Variants in HMCN1 observed in about 807,000 individuals in gnomAD.
The protein encoded by HMCN1 is hemicentin 1, also known as hemicentin-1.
HMCN1 carries 321 observed loss-of-function variants against 625.9 expected under a neutral mutation model. The ratio of observed to expected loss-of-function variants is 0.51; its 90% CI spans 0.47 to 0.56. The LOEUF is 0.56. HMCN1 is among the 20% of genes least tolerant of loss of function. The probability of loss-of-function intolerance (pLI) is 0.00; values close to 1 mark genes in which losing one functional copy is unlikely to be tolerated. For missense variants in HMCN1, 6,588 were observed against 6,887.3 expected (o/e 0.96, Z 1.54); for synonymous variants, 2,425 against 2,417.6 (o/e 1.00, Z -0.09).
chr1:185,843,891 T>C (rs1439195398), intron 1 of HMCN1, among the ~76,000 whole-genome samples: 1 of 152,208 alleles, frequency 6.6e-6, no homozygotes, highest in Admixed American at 6.5e-5. Context: ...TTATCGGTCC[T>C]CTTATTTTAA....
chr1:186,035,946 G>A (rs1055214913), intron 36 of HMCN1, among the ~76,000 whole-genome samples: 2 of 152,066 alleles, frequency 1.3e-5, no homozygotes, highest in Non-Finnish European at 2.9e-5. Flanking sequence ...GCCAATTTCT[G>A]AGGAGGACAT....
intron 4 of HMCN1, among the ~76,000 whole-genome samples, chr1:185,877,330 T>C (rs1664013476): frequency 7.3e-6 from 1 of 137,596 alleles, no homozygotes; most frequent in African/African-American, 2.8e-5. Flanking sequence ...TCTTTTTTTT[T>C]TTTTTTTTTT....
rs1660808673 is a variant in HMCN1, at chr1:186,110,161, C to A, written c.10989+1564C>A. Among the ~76,000 whole-genome samples, 4 of 151,924 alleles carry A rather than the reference C, an allele frequency of 2.6e-5. No individual in the cohort carries two copies. The South Asian group carries it at 8.3e-4, about 32-fold the overall frequency. ...TTGGCCCGTATTTCATCAAAAAAGG[C>A]TTTGGTTTCATGGTCCATATTTACT... On this transcript the variant is annotated intron_variant, in intron 71 of 106. Transcript: ENST00000271588.
At chr1:185,816,719 A>T (rs1387401942) in intron 1 of HMCN1, among the ~76,000 whole-genome samples, 1 of 152,128 alleles carries the variant, frequency 6.6e-6, no homozygotes, top group South Asian at 2.1e-4. Flanking sequence ...TTGTTTTAGG[A>T]TTTTATGGAT....
At chr1:186,126,294 AC>A (rs1202109120) in intron 82 of HMCN1, among the ~76,000 whole-genome samples, 2 of 152,168 alleles carry the variant, frequency 1.3e-5, no homozygotes, top group African/African-American at 4.8e-5. Flanking sequence ...CAAATATTCA[AC>A]AAATATTTAT....
At chr1:185,943,136 G>T (rs1668166932) in intron 11 of HMCN1, among the ~76,000 whole-genome samples, 1 of 152,136 alleles carries the variant, frequency 6.6e-6, no homozygotes, top group Admixed American at 6.5e-5. Flanking sequence ...CCATGGAGTT[G>T]GGTTGTGCTA....
intron 102 of HMCN1, 76 bp downstream of exon 102, chr1:186,172,207 A>G: frequency 1.9e-6 from 3 of 1,564,656 alleles, no homozygotes; most frequent in South Asian, 2.2e-5. Context: ...TTTTAAAAGA[A>G]GTGATTAGAG....
Position 186,107,033 on chromosome 1 carries a change from C to T in HMCN1, c.10852+68C>T, listed in dbSNP as rs1660640927. 1.6e-5 allele frequency: 14 copies of T among 878,674 alleles called. No individual in the cohort carries two copies. The Admixed American group carries it at 1.7e-4, about 11-fold the overall frequency. 54.4% of individuals were successfully genotyped at this position (878,674 alleles called of 1,614,324 possible). A position where few individuals can be genotyped will look rare whatever the true frequency, so the allele number is the denominator to read the frequency against. On this transcript the variant is annotated intron_variant, in intron 70 of 106. Transcript: ENST00000271588. ...TAATTAGAAAACCCTGGGACAACAC[C>T]ACAGCACATCACAGGATATGTTTAT...
rs138232561 is a variant in HMCN1 at position 186,151,329 on chromosome 1, C to A, written c.14738C>A (p.Thr4913Asn). Residue 4913 changes from threonine to asparagine, a missense_variant, in exon 94 of 107, where the codon ACC (threonine) becomes AAC (asparagine). By Grantham distance (65) the Thr-to-Asn change is moderately conservative. Transcript: ENST00000271588. ...ACTAGAATAATACGTGCCAAAATTA[C>A]CAATGTACCTCGTAGTCTTGGTAAG... ...SDTRIIRAKI[T>N]NVPRSLGSAM... 8.6e-4 allele frequency: 1,392 copies of A among 1,613,562 alleles called. 3 individuals are homozygous for A. The highest frequency in any genetic ancestry group is 1.5e-3 in the Admixed American group (89 of 59,998).
Position 185,986,022 on chromosome 1 carries a change from G to A in HMCN1, c.2936-1410G>A, listed in dbSNP as rs903854995. ...TCTTTATTGCTGTCAAACTCAGTAT[G>A]TTTGTATCAAAATGGCTTATTCCAT... On this transcript the variant is annotated intron_variant, in intron 19 of 106. Transcript: ENST00000271588. Among the ~76,000 whole-genome samples, 7 of 152,144 alleles carry A rather than the reference G, an allele frequency of 4.6e-5. No homozygotes were observed. In the East Asian group the frequency reaches 1.2e-3, roughly 25 times the overall value.
In HMCN1 at chr1:186,120,098, A is replaced by G; in HGVS notation, c.12182A>G (p.Gln4061Arg). Residue 4061 changes from glutamine to arginine, a missense_variant, in exon 80 of 107, where the codon CAG (glutamine) becomes CGG (arginine). This residue lies in a region of HMCN1 where 1,954 missense variants were observed against 2,013.1 expected (regional missense o/e 0.97). Coordinates refer to ENST00000271588, the MANE Select transcript of HMCN1 (RefSeq NM_031935.3). ...EDAGTYMCVA[Q>R]NPAGTALGKI... is the part of the protein sequence containing the mutation. ...GCTGGCACTTACATGTGTGTGGCCCAGAACCCGGCTGGTACAGCCTTGGGC... is the reference window on the plus strand; with the variant it reads ...GCTGGCACTTACATGTGTGTGGCCCGGAACCCGGCTGGTACAGCCTTGGGC... 2 of 1,614,056 alleles carry G rather than the reference A, an allele frequency of 1.2e-6. No homozygotes were observed. The highest frequency in any genetic ancestry group is 1.7e-6 in the Non-Finnish European group (2 of 1,179,966).
At chr1:186,184,001 A>C (rs953544329) in intron 105 of HMCN1, among the ~76,000 whole-genome samples, 3 of 151,732 alleles carry the variant, frequency 2.0e-5, no homozygotes, top group Non-Finnish European at 4.4e-5. Context: ...AAAACGCACA[A>C]CCCCTTAGCC....
intron 44 of HMCN1, among the ~76,000 whole-genome samples, chr1:186,054,888 C>A (rs139770781): frequency 1.5e-3 from 225 of 151,994 alleles, no homozygotes; most frequent in African/African-American, 5.1e-3. Context: ...CCCCAAAATC[C>A]CCAGCAGACC....
intron 42 of HMCN1, among the ~76,000 whole-genome samples, chr1:186,052,142 AAGAGAG>A (rs146696201): frequency 1.8e-4 from 27 of 150,070 alleles, no homozygotes; most frequent in South Asian, 6.3e-4. Context: ...AGATGGTAAA[AAGAGAG>A]AGAGAGAGAG....
At chr1:186,104,967 TA>T (rs922989179) in intron 69 of HMCN1, among the ~76,000 whole-genome samples, 9 of 151,884 alleles carry the variant, frequency 5.9e-5, no homozygotes, top group African/African-American at 1.9e-4. Context: ...ATCATGAATA[TA>T]AAAAAAATGA....
chr1:185,928,480 T>C (rs1300074547), intron 9 of HMCN1, 66 bp from the exon 10 acceptor site: 11 of 1,316,170 alleles, frequency 8.4e-6, no homozygotes, highest in Non-Finnish European at 1.2e-5. Context: ...AAGAAATAGT[T>C]AATCATTGCT....
At chr1:185,883,330 T>C (rs1277176434) in intron 4 of HMCN1, among the ~76,000 whole-genome samples, 2 of 152,104 alleles carry the variant, frequency 1.3e-5, no homozygotes, top group African/African-American at 2.4e-5. Flanking sequence ...GACAAATGTA[T>C]ATGCTTATGT....
At chr1:185,760,678 A>G (rs1027186319) in intron 1 of HMCN1, among the ~76,000 whole-genome samples, 4 of 152,164 alleles carry the variant, frequency 2.6e-5, no homozygotes, top group East Asian at 1.9e-4. Context: ...GAATTATAGT[A>G]TAATATTAAT....
intron 68 of HMCN1, among the ~76,000 whole-genome samples, chr1:186,096,481 A>G (rs976457519): frequency 2.0e-5 from 3 of 152,164 alleles, no homozygotes; most frequent in African/African-American, 7.2e-5. Context: ...TTTCTTCTGT[A>G]GAGGGAAGCA....
Sources: allele counts gnomAD v4.1 joint callset (sites outside exome capture counted in the v4.1 genomes callset), GRCh38; gene constraint gnomAD v4.1.1; regional missense constraint gnomAD v4.1.1; transcripts MANE v1.5; gene names NCBI Gene and HGNC (gene_info 2026-07-23, HGNC 2026-07-21).